The following AR variants were observed in gnomAD, a reference collection of about 807,000 sequenced individuals.
AR encodes the protein dihydrotestosterone receptor.
Under a neutral mutation model 53.9 loss-of-function variants are expected in AR, and 8 were observed. That is an observed-to-expected ratio of 0.15 (90% CI 0.09 to 0.27). AR has a LOEUF of 0.27. Among genes scored for constraint, AR ranks in the 10% least tolerant of loss-of-function variants. The pLI is 1.00. For synonymous variants in AR, 359 were observed against 316.4 expected (o/e 1.13, Z -1.43); for missense variants, 639 against 742.5 (o/e 0.86, Z 1.62).
intron 2 of AR, among the ~76,000 whole-genome samples, chrX:67,663,114 G>A (rs1321190363): frequency 9.0e-6 from 1 of 111,556 alleles, no homozygotes; most frequent in Non-Finnish European, 1.9e-5. Flanking sequence ...GGAGCATTTA[G>A]CCCATTTACA....
intron 3 of AR, among the ~76,000 whole-genome samples, chrX:67,710,806 C>T (rs889782265): frequency 3.6e-5 from 4 of 112,059 alleles, no homozygotes; most frequent in African/African-American, 6.5e-5. Flanking sequence ...CCCACCTTTG[C>T]CTGGTGAAAT....
intron 3 of AR, among the ~76,000 whole-genome samples, chrX:67,710,895 G>T (rs753630972): frequency 2.7e-5 from 3 of 111,608 alleles, no homozygotes; most frequent in Non-Finnish European, 5.6e-5. Flanking sequence ...AAAAAGATTA[G>T]TGTTTTCCTA....
chrX:67,710,230 A>G (rs1434236280), intron 3 of AR, among the ~76,000 whole-genome samples: 1 of 112,079 alleles, frequency 8.9e-6, no homozygotes, highest in African/African-American at 3.2e-5. Context: ...TCGGCTAGAC[A>G]TGCTAGACAT....
intron 3 of AR, among the ~76,000 whole-genome samples, chrX:67,688,302 G>T (rs1470447403): frequency 9.0e-6 from 1 of 111,575 alleles, no homozygotes; most frequent in African/African-American, 3.3e-5. Context: ...TAAAGGCTCA[G>T]CTCCTTTATT....
At chrX:67,663,184 T>A (rs1927040941) in intron 2 of AR, among the ~76,000 whole-genome samples, 1 of 111,751 alleles carries the variant, frequency 8.9e-6, no homozygotes, top group South Asian at 3.8e-4. Context: ...TAGCTGGTTA[T>A]TTTGCTCGTT....
At chrX:67,723,548 TG>T in intron 7 of AR, 137 bp from the exon 8 acceptor site, 1 of 458,201 alleles carries the variant, frequency 2.2e-6, no homozygotes, top group Non-Finnish European at 3.6e-6. Flanking sequence ...CACGACCTCA[TG>T]GGGGAGGACC....
At chrX:67,591,048 C>T (rs941073589) in intron 1 of AR, among the ~76,000 whole-genome samples, 4 of 111,681 alleles carry the variant, frequency 3.6e-5, no homozygotes, top group African/African-American at 1.3e-4. Flanking sequence ...TGGGTTTCTT[C>T]CAGGCATCAT....
rs756937455 is a variant in AR, at chrX:67,711,838, T to C, written c.2173+149T>C. The C allele has an allele frequency of 1.9e-5, 12 of 622,386 alleles. No individual in the cohort carries two copies. The East Asian group carries it at 4.4e-4, about 23-fold the overall frequency. 51.3% of individuals were successfully genotyped at this position (622,386 alleles called of 1,213,427 possible). Reference sequence around the variant, plus strand: ...TGTGGGAGAGGGATTGTTACAAGTCTCAATTTAAACATACAGGGATCGAAA... The same window carrying C: ...TGTGGGAGAGGGATTGTTACAAGTCCCAATTTAAACATACAGGGATCGAAA... On this transcript the variant is annotated intron_variant, in intron 4 of 7. Transcript: ENST00000374690.
chrX:67,599,325 A>T (rs1923233979), intron 1 of AR, among the ~76,000 whole-genome samples: 1 of 111,958 alleles, frequency 8.9e-6, no homozygotes, highest in Admixed American at 9.5e-5. Context: ...TGTTTAGTAA[A>T]TAGATTCATG....
intron 2 of AR, among the ~76,000 whole-genome samples, chrX:67,682,451 A>ATT (rs368676022): frequency 1.9e-5 from 2 of 104,025 alleles, no homozygotes; most frequent in African/African-American, 7.0e-5. Context: ...CACCTAGCTA[A>ATT]TTTTTTTTTT....
intron 3 of AR, among the ~76,000 whole-genome samples, chrX:67,703,937 T>A (rs1454554689): frequency 9.0e-6 from 1 of 111,478 alleles, no homozygotes; most frequent in Non-Finnish European, 1.9e-5. Context: ...AGAATGATGG[T>A]TTCCAGCTTC....
intron 1 of AR, among the ~76,000 whole-genome samples, chrX:67,630,850 C>A (rs1189408540): frequency 1.8e-5 from 2 of 109,899 alleles, no homozygotes; most frequent in African/African-American, 6.6e-5. Context: ...GACAAAATCT[C>A]TCGGCATTTG....
At chrX:67,687,516 G>A (rs1442529947) in intron 3 of AR, among the ~76,000 whole-genome samples, 2 of 111,968 alleles carry the variant, frequency 1.8e-5, no homozygotes, top group Non-Finnish European at 3.8e-5. Context: ...ACTCAACCTT[G>A]TTTTGGTTTG....
intron 1 of AR, among the ~76,000 whole-genome samples, chrX:67,625,132 A>G: frequency 9.0e-6 from 1 of 110,796 alleles, no homozygotes; most frequent in East Asian, 2.8e-4. Flanking sequence ...GCAATGAGCA[A>G]TCTGAAAATG....
chrX:67,707,582 A>T (rs1488288644), intron 3 of AR, among the ~76,000 whole-genome samples: 1 of 110,967 alleles, frequency 9.0e-6, no homozygotes, highest in African/African-American at 3.3e-5. Flanking sequence ...ATGGGTCTTG[A>T]CTCTTTATCC....
At chrX:67,648,710 T>C (rs1221819739) in intron 2 of AR, among the ~76,000 whole-genome samples, 1 of 112,129 alleles carries the variant, frequency 8.9e-6, no homozygotes, top group Non-Finnish European at 1.9e-5. Context: ...CCTGCTTATT[T>C]ATAGCCTGTG....
In AR at chrX:67,717,996, T is replaced by A. The variant is rs750952471; in HGVS notation, c.2318+374T>A. ...GGGTTCTTTTGCTACCACCAAAGGC[T>A]ACTTCTAGTCACCATTTGCTGAGCA... On this transcript the variant is annotated intron_variant, in intron 5 of 7. Coordinates refer to ENST00000374690, the MANE Select transcript of AR (RefSeq NM_000044.6). 2.7e-5 allele frequency among the ~76,000 whole-genome samples: 3 copies of A among 112,957 alleles called. No individual in the cohort carries two copies. In the South Asian group the frequency reaches 1.1e-3, roughly 41 times the overall value.
chrX:67,630,487 G>A, intron 1 of AR, among the ~76,000 whole-genome samples: 1 of 109,822 alleles, frequency 9.1e-6, no homozygotes, highest in East Asian at 2.9e-4. Flanking sequence ...TTTTCCATTT[G>A]CTTGGTAGAT....
chrX:67,630,525 A>G (rs1357395062), intron 1 of AR, among the ~76,000 whole-genome samples: 2 of 110,373 alleles, frequency 1.8e-5, no homozygotes, highest in Admixed American at 9.7e-5. Flanking sequence ...TTTTGAGCCT[A>G]TGTGTGTCTC....
Sources: gnomAD v4.1 joint callset for allele counts (sites outside exome capture counted in the v4.1 genomes callset) on GRCh38, gnomAD v4.1.1 for gene constraint, MANE v1.5 for transcripts, NCBI Gene and HGNC (gene_info 2026-07-23, HGNC 2026-07-21) for gene names.